Variants in ZNF44 observed in about 807,000 individuals in gnomAD.
ZNF44 encodes gonadotropin inducible transcription repressor-2.
In ZNF44, 9 loss-of-function variants were observed where a neutral mutation model predicts 11.7. The observed-to-expected ratio is 0.77, with a 90% CI of 0.46 to 1.35. The LOEUF is 1.35. Ranked by LOEUF, ZNF44 falls within the 40% of genes most tolerant of loss-of-function variation. The pLI is 0.00. For missense variants in ZNF44, 696 were observed against 743.1 expected (o/e 0.94, Z 0.74); for synonymous variants, 224 against 242.7 (o/e 0.92, Z 0.72).
intron 5 of ZNF44, among the ~76,000 whole-genome samples, chr19:12,258,991 C>CAGG (rs1917383846): frequency 6.6e-6 from 1 of 152,088 alleles, no homozygotes; most frequent in Non-Finnish European, 1.5e-5. Flanking sequence ...CCTCCCACCT[C>CAGG]AGCCTCCCAA....
downstream of ZNF44, chr19:12,244,678 A>C (rs1454561106): frequency 6.6e-6 from 1 of 152,652 alleles, no homozygotes; most frequent in Non-Finnish European, 1.5e-5. Context: ...GATAACCTAA[A>C]AGAAAACAGA....
At chr19:12,239,059 A>G (rs900521388), upstream of ZNF44, among the ~76,000 whole-genome samples, 2 of 152,170 alleles carry the variant, frequency 1.3e-5, no homozygotes, top group African/African-American at 2.4e-5. Flanking sequence ...TAAACTGTCA[A>G]AATCATAAAC....
chr19:12,294,212 G>C (rs1968140658), intron 1 of ZNF44, among the ~76,000 whole-genome samples: 3 of 152,144 alleles, frequency 2.0e-5, no homozygotes, highest in Non-Finnish European at 4.4e-5. Flanking sequence ...CCAGTCCCAA[G>C]ATTCACCCCT....
intron 1 of ZNF44, among the ~76,000 whole-genome samples, chr19:12,235,748 G>A (rs1916363711): frequency 6.6e-6 from 1 of 152,146 alleles, no homozygotes; most frequent in South Asian, 2.1e-4. Context: ...GCAGGCAGAG[G>A]TTGTCCTCTG....
At chr19:12,238,615 A>G (rs1210794509), upstream of ZNF44, among the ~76,000 whole-genome samples, 1 of 133,096 alleles carries the variant, frequency 7.5e-6, no homozygotes, top group Non-Finnish European at 1.6e-5. Context: ...CAACAGAGAG[A>G]GACTGTCTCA....
downstream of ZNF44, among the ~76,000 whole-genome samples, chr19:12,246,165 C>A (rs186971801): frequency 1.9e-3 from 286 of 152,278 alleles, 1 homozygote; most frequent in African/African-American, 6.6e-3. Flanking sequence ...AGCATGGAAT[C>A]CAAAAGGGAA....
At chr19:12,268,145 GACACACACACACACACAC>G (rs71166661), downstream of ZNF44, among the ~76,000 whole-genome samples, 8 of 136,750 alleles carry the variant, frequency 5.9e-5, no homozygotes, top group East Asian at 7.1e-4. Context: ...CACACACACA[GACACACACACACACACAC>G]ACACACACAC....
At chr19:12,289,714 G>T (rs918775146) in intron 1 of ZNF44, among the ~76,000 whole-genome samples, 1 of 143,832 alleles carries the variant, frequency 7.0e-6, no homozygotes, top group African/African-American at 2.6e-5. Flanking sequence ...GCATGATCTC[G>T]GCTCACTGCA....
At chr19:12,287,265 A>AC (rs1967800731) in intron 1 of ZNF44, among the ~76,000 whole-genome samples, 1 of 151,688 alleles carries the variant, frequency 6.6e-6, no homozygotes. Flanking sequence ...TTTTTCCTTG[A>AC]GACGGAATCT....
chr19:12,251,271 C>A (rs1465549376), intron 5 of ZNF44, among the ~76,000 whole-genome samples: 1 of 149,564 alleles, frequency 6.7e-6, no homozygotes, highest in Non-Finnish European at 1.5e-5. Flanking sequence ...GTGGAGGGTA[C>A]AGTGAGCCAA....
chr19:12,293,213 C>T, intron 1 of ZNF44: 1 of 1,534,326 alleles, frequency 6.5e-7, no homozygotes, highest in Non-Finnish European at 8.7e-7. Flanking sequence ...GAAGATTCCT[C>T]CCACCCCAGT....
chr19:12,256,781 A>G (rs915941432), intron 5 of ZNF44, among the ~76,000 whole-genome samples: 6 of 150,122 alleles, frequency 4.0e-5, no homozygotes, highest in Non-Finnish European at 8.9e-5. Flanking sequence ...GCTCACTGCA[A>G]CCAACCTCTG....
chr19:12,255,214 A>G (rs1477636331), intron 5 of ZNF44, among the ~76,000 whole-genome samples: 1 of 152,204 alleles, frequency 6.6e-6, no homozygotes. Flanking sequence ...GAAGAAAAAT[A>G]TATAATCAAT....
intron 3 of ZNF44, among the ~76,000 whole-genome samples, chr19:12,228,662 A>G (rs1369412256): frequency 6.6e-6 from 1 of 152,154 alleles, no homozygotes; most frequent in Non-Finnish European, 1.5e-5. Flanking sequence ...ACTTTAGTAC[A>G]AAAATTTACC....
chr19:12,271,096 G>A (rs953610019), downstream of ZNF44, among the ~76,000 whole-genome samples: 4 of 152,178 alleles, frequency 2.6e-5, no homozygotes, highest in African/African-American at 7.2e-5. Context: ...AGATTAAGAA[G>A]AGGAGCAGTG....
At chr19:12,268,145 GAC>G (rs71166661), downstream of ZNF44, among the ~76,000 whole-genome samples, 4,454 of 136,718 alleles carry the variant, frequency 0.033, 85 homozygotes, top group African/African-American at 0.067. Context: ...CACACACACA[GAC>G]ACACACACAC....
chr19:12,294,878 A>C lies in ZNF44; in HGVS notation c.-184T>G, dbSNP rs1968185592. ...CACCCTCCTCTCTGCCTCGCGCCTG[A>C]TTGACAATTCTCAGGAACCCGCCCA... On this transcript the variant is annotated 5_prime_UTR_variant, in exon 1 of 4. Coordinates refer to ENST00000355684, the MANE Select transcript of ZNF44 (RefSeq NM_016264.4). 3.0e-6 allele frequency: 2 copies of C among 664,788 alleles called. No homozygotes were observed. Among genetic ancestry groups the C allele is most frequent in the Non-Finnish European group, 4.8e-6 (2 of 419,304 alleles). The allele number at this position is 664,788 out of a possible 1,614,324, so 41.2% of individuals were successfully genotyped here. A position where few individuals can be genotyped will look rare whatever the true frequency, so the allele number is the denominator to read the frequency against.
chr19:12,258,679 A>T (rs1208107284), intron 5 of ZNF44, among the ~76,000 whole-genome samples: 1 of 152,052 alleles, frequency 6.6e-6, no homozygotes, highest in African/African-American at 2.4e-5. Flanking sequence ...AAAACACAAG[A>T]ATTAGATGGG....
Position 12,284,895 on chromosome 19 carries a change from G to T in ZNF44, c.4-8813C>A. On this transcript the variant is annotated intron_variant, in intron 1 of 3. Transcript: ENST00000355684. ...CTCTGTGCTGGTGCGCCTCATCCCC[G>T]CACCCAGGGACACTGGCATCGTCTC... The T allele has an allele frequency of 4.1e-6, 3 of 729,366 alleles. No homozygotes were observed. The Admixed American group carries it at 6.0e-5, about 15-fold the overall frequency. The allele number at this position is 729,366 out of a possible 1,614,324, so 45.2% of individuals were successfully genotyped here.
Sources: gnomAD v4.1 joint callset for allele counts (sites outside exome capture counted in the v4.1 genomes callset) on GRCh38, gnomAD v4.1.1 for gene constraint, MANE v1.5 for transcripts, NCBI Gene and HGNC (gene_info 2026-07-23, HGNC 2026-07-21) for gene names.